Variants in SORCS1 observed in about 807,000 individuals in gnomAD.
The protein encoded by SORCS1 is VPS10 domain-containing receptor SorCS1.
A neutral mutation model predicts 146.1 loss-of-function variants in SORCS1; 60 were observed. The observed-to-expected ratio is 0.41, with a 90% CI of 0.33 to 0.51. The LOEUF (loss-of-function observed/expected upper bound fraction) is 0.51. SORCS1 is among the 20% of genes least tolerant of loss of function. The pLI is 0.21. For synonymous variants in SORCS1, 637 were observed against 584.0 expected, an observed-to-expected ratio of 1.09 and a Z score of -1.31; for missense variants, 1,352 against 1,487.6, an observed-to-expected ratio of 0.91 and a Z score of 1.50.
chr10:106,833,166 C>G (rs72825301), intron 2 of SORCS1, among the ~76,000 whole-genome samples: 1 of 152,142 alleles, frequency 6.6e-6, no homozygotes, highest in Admixed American at 6.6e-5. Flanking sequence ...CATAATTCAT[C>G]CACCAATCCA....
At chr10:107,101,692 G>C (rs10884415) in intron 1 of SORCS1, among the ~76,000 whole-genome samples, 86,603 of 151,682 alleles carry the variant, frequency 0.57, 25,730 homozygotes, top group African/African-American at 0.69. Context: ...ATAGTAACCT[G>C]AAATTTAAGT....
intron 2 of SORCS1, among the ~76,000 whole-genome samples, chr10:106,860,200 A>G (rs562412402): frequency 1.3e-5 from 2 of 152,368 alleles, no homozygotes; most frequent in Non-Finnish European, 2.9e-5. Context: ...TTAAATGTCT[A>G]TAAATACAGC....
chr10:106,841,200 T>C (rs1949023467), intron 2 of SORCS1, among the ~76,000 whole-genome samples: 1 of 152,126 alleles, frequency 6.6e-6, no homozygotes, highest in East Asian at 1.9e-4. Context: ...CCAGGTGCAG[T>C]GGCTCACGCC....
At chr10:106,868,246 A>T (rs939771395) in intron 2 of SORCS1, among the ~76,000 whole-genome samples, 7 of 152,176 alleles carry the variant, frequency 4.6e-5, no homozygotes. Context: ...CCACATAATA[A>T]TAGCGGGAGA....
intron 1 of SORCS1, among the ~76,000 whole-genome samples, chr10:106,970,355 T>TTTTTTTTTTTTTTTTTTTG (rs1955718597): frequency 6.8e-6 from 1 of 146,766 alleles, no homozygotes; most frequent in African/African-American, 2.6e-5. Context: ...TTTTTTTTTT[T>TTTTTTTTTTTTTTTTTTTG]GAGATGGAGT....
intron 17 of SORCS1, among the ~76,000 whole-genome samples, chr10:106,663,921 C>T (rs1353456227): frequency 6.6e-6 from 1 of 152,224 alleles, no homozygotes; most frequent in East Asian, 1.9e-4. Context: ...CTGTGAGCAT[C>T]TTACTTATGA....
At chr10:106,650,474 C>T (rs1589567945) in intron 18 of SORCS1, among the ~76,000 whole-genome samples, 1 of 152,256 alleles carries the variant, frequency 6.6e-6, no homozygotes, top group East Asian at 1.9e-4. Flanking sequence ...TGAGTGCTTT[C>T]TATGTTTCCT....
intron 12 of SORCS1, among the ~76,000 whole-genome samples, chr10:106,677,612 T>A (rs1852133333): frequency 6.6e-6 from 1 of 152,224 alleles, no homozygotes; most frequent in Non-Finnish European, 1.5e-5. Context: ...TAGGTGTGTA[T>A]AAAATAAATT....
At chr10:106,939,287 G>C (rs778064823) in intron 2 of SORCS1, among the ~76,000 whole-genome samples, 18 of 152,194 alleles carry the variant, frequency 1.2e-4, no homozygotes, top group Non-Finnish European at 2.5e-4. Flanking sequence ...TATACGTTTG[G>C]AATAATGCAA....
At chr10:106,705,659 A>G (rs185905142) in intron 8 of SORCS1, among the ~76,000 whole-genome samples, 249 of 152,328 alleles carry the variant, frequency 1.6e-3, no homozygotes, top group African/African-American at 5.5e-3. Flanking sequence ...CTCTAAGATT[A>G]AGGCACAGTA....
At chr10:106,783,693 A>C (rs980144392) in intron 3 of SORCS1, among the ~76,000 whole-genome samples, 1 of 152,232 alleles carries the variant, frequency 6.6e-6, no homozygotes, top group Non-Finnish European at 1.5e-5. Flanking sequence ...TACAGTCAGA[A>C]GATCAAAACA....
At chr10:107,049,339 C>A (rs571730565) in intron 1 of SORCS1, among the ~76,000 whole-genome samples, 41 of 150,640 alleles carry the variant, frequency 2.7e-4, no homozygotes, top group African/African-American at 9.8e-4. Context: ...TTAATGGGTG[C>A]AGCACACCAG....
chr10:106,799,473 T>C (rs1056875102), intron 3 of SORCS1, among the ~76,000 whole-genome samples: 5 of 152,140 alleles, frequency 3.3e-5, no homozygotes, highest in African/African-American at 4.8e-5. Flanking sequence ...ATTTTTGCAA[T>C]CTACTCATCT....
At chr10:106,615,555 T>C (rs1346040342) in intron 21 of SORCS1, among the ~76,000 whole-genome samples, 1 of 152,166 alleles carries the variant, frequency 6.6e-6, no homozygotes, top group African/African-American at 2.4e-5. Context: ...TACTCATGCC[T>C]GTAATCTCAG....
chr10:106,780,503 G>A (rs1471847847), intron 3 of SORCS1, among the ~76,000 whole-genome samples: 1 of 152,182 alleles, frequency 6.6e-6, no homozygotes, highest in South Asian at 2.1e-4. Context: ...TTGTCTGCCA[G>A]GATCAAAGCT....
At chr10:106,668,687 C>T (rs975613266) in intron 16 of SORCS1, among the ~76,000 whole-genome samples, 1 of 152,190 alleles carries the variant, frequency 6.6e-6, no homozygotes, top group Non-Finnish European at 1.5e-5. Context: ...AGGGGCCTGT[C>T]ACCAGGCAGC....
At position 106,620,707 on chromosome 10, in the gene SORCS1, C is replaced by T. The variant is rs1344879357; in HGVS notation, c.2663-146G>A. The T allele has an allele frequency of 9.3e-6, 9 of 971,644 alleles. No individual in the cohort carries two copies. In the East Asian group the frequency reaches 2.0e-4, roughly 21 times the overall value. 60.2% of individuals were successfully genotyped at this position (971,644 alleles called of 1,614,324 possible). A position where few individuals can be genotyped will look rare whatever the true frequency, so the allele number is the denominator to read the frequency against. ...CCAAAAGAAGTGTTCAGATGCTTTC[C>T]CCACTTTGGAGAAAGAATACATTGA... On this transcript the variant is annotated intron_variant, in intron 19 of 25. Transcript: ENST00000263054.
intron 1 of SORCS1, among the ~76,000 whole-genome samples, chr10:107,000,454 A>C (rs2139606863): frequency 6.6e-6 from 1 of 152,104 alleles, no homozygotes; most frequent in East Asian, 1.9e-4. Context: ...AAAAAAAAAA[A>C]AAATTATCTG....
At chr10:106,603,987 G>A (rs920588221) in intron 23 of SORCS1, among the ~76,000 whole-genome samples, 2 of 152,176 alleles carry the variant, frequency 1.3e-5, no homozygotes, top group Non-Finnish European at 2.9e-5. Flanking sequence ...GGTCAGACAA[G>A]TGAAAACTGT....
Sources: gnomAD v4.1 joint callset for allele counts (sites outside exome capture counted in the v4.1 genomes callset) on GRCh38, gnomAD v4.1.1 for gene constraint, MANE v1.5 for transcripts, NCBI Gene and HGNC (gene_info 2026-07-23, HGNC 2026-07-21) for gene names.